The following RFTN1 variants were observed in gnomAD, a reference collection of about 807,000 sequenced individuals.
The protein encoded by RFTN1 is raftlin, lipid raft linker 1.
A neutral mutation model predicts 46.5 loss-of-function variants in RFTN1; 26 were observed. The ratio of observed to expected loss-of-function variants is 0.56; its 90% CI spans 0.41 to 0.78. The LOEUF is 0.78. Among genes scored for constraint, RFTN1 ranks in the 30% least tolerant of loss-of-function variants. The pLI is 0.00. For missense variants in RFTN1, 693 were observed against 718.7 expected, an observed-to-expected ratio of 0.96 and a Z score of 0.41; for synonymous variants, 261 against 284.2, an observed-to-expected ratio of 0.92 and a Z score of 0.82.
rs1399311269 is a variant in RFTN1, at chr3:16,427,392, A to G, written c.332+6459T>C. Among the ~76,000 whole-genome samples, 1 of 152,224 alleles carries G rather than the reference A, an allele frequency of 6.6e-6. No individual in the cohort carries two copies. Among genetic ancestry groups the G allele is most frequent in the Admixed American group, 6.5e-5 (1 of 15,284 alleles). ...GATTCTGGGTCTCAAGAGGAGAAAC[A>G]AAGGGTAAGGGATGAGCATTCTCTG... On this transcript the variant is annotated intron_variant, in intron 3 of 9. Coordinates refer to ENST00000334133, the MANE Select transcript of RFTN1 (RefSeq NM_015150.2). The surrounding 1 kb of genome is among the most constrained non-coding windows in gnomAD (Gnocchi z 5.4).
intron 2 of RFTN1, among the ~76,000 whole-genome samples, chr3:16,492,634 G>A (rs1559374174): frequency 6.6e-6 from 1 of 152,186 alleles, no homozygotes; most frequent in Non-Finnish European, 1.5e-5. Flanking sequence ...GTGTTCAGAT[G>A]ACTTCATTAC....
intron 5 of RFTN1, among the ~76,000 whole-genome samples, chr3:16,375,125 T>G (rs755397601): frequency 6.6e-6 from 1 of 151,472 alleles, no homozygotes; most frequent in Non-Finnish European, 1.5e-5. Context: ...AGAAGAGGAG[T>G]AAAAAACACT....
rs373085707 is a variant in RFTN1 at position 16,447,352 on chromosome 3, C to T, written c.146-13315G>A. Among the ~76,000 whole-genome samples, 6 of 152,290 alleles carry T rather than the reference C, an allele frequency of 3.9e-5. No homozygotes were observed. The highest frequency in any genetic ancestry group is 8.8e-5 in the Non-Finnish European group (6 of 68,022). On this transcript the variant is annotated intron_variant, in intron 2 of 9. Transcript: ENST00000334133. The surrounding 1 kb of genome is among the most constrained non-coding windows in gnomAD (Gnocchi z 5.9). ...TTTTCAGCTTTGCATGAAGGATTAC[C>T]GCCTTCTTGCATAAACTCCCAAATT...
intron 8 of RFTN1, among the ~76,000 whole-genome samples, chr3:16,323,893 C>G (rs1460110221): frequency 6.6e-6 from 1 of 152,202 alleles, no homozygotes; most frequent in Non-Finnish European, 1.5e-5. Flanking sequence ...ATGGCTGCAT[C>G]CAGGGTCTCA....
intron 2 of RFTN1, among the ~76,000 whole-genome samples, chr3:16,456,376 T>A (rs564346723): frequency 6.6e-6 from 1 of 152,190 alleles, no homozygotes; most frequent in Non-Finnish European, 1.5e-5. Context: ...AATAAGGTAC[T>A]CCAGCCTCTG....
Position 16,425,458 on chromosome 3 carries a change from C to G in RFTN1, c.332+8393G>C, listed in dbSNP as rs2075270881. On this transcript the variant is annotated intron_variant, in intron 3 of 9. Transcript: ENST00000334133. This position sits in a 1 kb window ranked among gnomAD's most constrained non-coding sequence, Gnocchi z 4.3. ...GAAATCACTAGTGTGCTAATTCTCT[C>G]TCTCAGAAGAAACAAACAAACAAAA... is the stretch of plus-strand genomic sequence containing the variant. Among the ~76,000 whole-genome samples, 1 of 151,642 alleles carries G rather than the reference C, an allele frequency of 6.6e-6. No individual in the cohort carries two copies. The highest frequency in any genetic ancestry group is 2.4e-5 in the African/African-American group (1 of 40,942).
intron 2 of RFTN1, among the ~76,000 whole-genome samples, chr3:16,472,924 G>A (rs1262448493): frequency 6.6e-6 from 1 of 152,180 alleles, no homozygotes; most frequent in African/African-American, 2.4e-5. Context: ...CAGGTTGACT[G>A]GCCCTGGGAG....
intron 9 of RFTN1, among the ~76,000 whole-genome samples, chr3:16,318,241 G>A (rs575445467): frequency 5.4e-5 from 8 of 149,456 alleles, no homozygotes; most frequent in South Asian, 2.2e-4. Flanking sequence ...CAGAGTGCAC[G>A]TGGGGTTTTA....
chr3:16,433,719 C>T lies in RFTN1; in HGVS notation c.332+132G>A. 1.1e-6 allele frequency: 1 copy of T among 884,624 alleles called. No homozygotes were observed. Among genetic ancestry groups the T allele is most frequent in the Admixed American group, 2.0e-5 (1 of 49,552 alleles). The allele number at this position is 884,624 out of a possible 1,614,324, so 54.8% of individuals were successfully genotyped here. On this transcript the variant is annotated intron_variant, in intron 3 of 9. Transcript: ENST00000334133. This position sits in a 1 kb window ranked among gnomAD's most constrained non-coding sequence, Gnocchi z 4.4. Reference sequence around the variant, plus strand: ...CTGGTTGTCTAACTGTTTGCCTCACCTGTCTGAGGGCTGAGGCCCTGAGGA... The same window carrying T: ...CTGGTTGTCTAACTGTTTGCCTCACTTGTCTGAGGGCTGAGGCCCTGAGGA...
chr3:16,365,644 G>A (rs867922382), intron 6 of RFTN1, among the ~76,000 whole-genome samples: 3 of 151,198 alleles, frequency 2.0e-5, no homozygotes, highest in African/African-American at 7.3e-5. Context: ...GCAGCAGAGA[G>A]ACATCTGGGT....
chr3:16,404,093 T>C lies in RFTN1; in HGVS notation c.441+5282A>G, dbSNP rs372628850. Reference sequence around the variant, plus strand: ...TATATTATATATATATTTTATATATTATATATTATATATAATATATAATAT... The same window carrying C: ...TATATTATATATATATTTTATATATCATATATTATATATAATATATAATAT... On this transcript the variant is annotated intron_variant, in intron 4 of 9. Coordinates refer to ENST00000334133, the MANE Select transcript of RFTN1 (RefSeq NM_015150.2). Among the ~76,000 whole-genome samples, 6 of 7,040 alleles carry C rather than the reference T, an allele frequency of 8.5e-4. 2 individuals are homozygous for C. In the Admixed American group the frequency reaches 0.016, roughly 19 times the overall value. The allele number at this position is 7,040 out of a possible 152,430, so 4.6% of individuals were successfully genotyped here.
At chr3:16,332,992 G>A (rs1215098660) in intron 7 of RFTN1, among the ~76,000 whole-genome samples, 2 of 152,136 alleles carry the variant, frequency 1.3e-5, no homozygotes, top group East Asian at 3.8e-4. Flanking sequence ...CAACAGTTTT[G>A]CAAACTGATC....
rs1559344423 is a variant in RFTN1, at chr3:16,433,188, A to ATTTT, written c.332+662_332+663insAAAA. ...CATCCTCACTGTTTTTTTTTTTTAA[A>ATTTT]AAAATTAATATTGTTCCTTTTGAAA... On this transcript the variant is annotated intron_variant, in intron 3 of 9. Coordinates refer to ENST00000334133, the MANE Select transcript of RFTN1 (RefSeq NM_015150.2). The surrounding 1 kb of genome is among the most constrained non-coding windows in gnomAD (Gnocchi z 4.4). Among the ~76,000 whole-genome samples, 123 of 146,230 alleles carry ATTTT rather than the reference A, an allele frequency of 8.4e-4. No individual in the cohort carries two copies. The highest frequency in any genetic ancestry group is 3.2e-3 in the African/African-American group (118 of 36,436).
chr3:16,417,659 C>T (rs1268870276), intron 3 of RFTN1, among the ~76,000 whole-genome samples: 1 of 152,192 alleles, frequency 6.6e-6, no homozygotes, highest in African/African-American at 2.4e-5. Flanking sequence ...TAGTCATTCT[C>T]CAGGCAGGGG....
rs780756328 is a variant in RFTN1 at position 16,408,761 on chromosome 3, A to C, written c.441+614T>G. ...ACAATCACCTGTATGGGGTGGGGGA[A>C]TTGTCGATTACTAGGGAACACTGGG... On this transcript the variant is annotated intron_variant, in intron 4 of 9. Coordinates refer to ENST00000334133, the MANE Select transcript of RFTN1 (RefSeq NM_015150.2). Among the ~76,000 whole-genome samples the C allele has an allele frequency of 1.5e-4, 22 of 147,424 alleles. 1 individual carries two copies. The highest frequency in any genetic ancestry group is 2.1e-4 in the Non-Finnish European group (14 of 66,294).
chr3:16,469,742 A>G (rs1186769226), intron 2 of RFTN1, among the ~76,000 whole-genome samples: 1 of 152,230 alleles, frequency 6.6e-6, no homozygotes. Flanking sequence ...CACCTTGAAC[A>G]TGAAGCTACT....
chr3:16,512,425 TAAAA>T lies in RFTN1; in HGVS notation c.-9+1013_-9+1016del, dbSNP rs149554467. ...CAGAGATTGAGCCAGACTTTTTTTT[TAAAA>T]AAGTACTTCTTGTTTGTTTGTTTTA... is the stretch of plus-strand genomic sequence containing the variant. On this transcript the variant is annotated intron_variant, in intron 1 of 9. Coordinates refer to ENST00000334133, the MANE Select transcript of RFTN1 (RefSeq NM_015150.2). The surrounding 1 kb of genome is among the most constrained non-coding windows in gnomAD (Gnocchi z 4.3). Among the ~76,000 whole-genome samples the T allele has an allele frequency of 2.7e-5, 4 of 150,802 alleles. No individual in the cohort carries two copies. The highest frequency in any genetic ancestry group is 2.1e-4 in the South Asian group (1 of 4,782).
Position 16,424,426 on chromosome 3 carries a change from G to A in RFTN1, c.332+9425C>T, listed in dbSNP as rs1005642860. ...CTGCTGAAAGCACAGTAATGTTTTC[G>A]ACAAATATTAACAACAGAAACAACC... On this transcript the variant is annotated intron_variant, in intron 3 of 9. Transcript: ENST00000334133. The surrounding 1 kb of genome is among the most constrained non-coding windows in gnomAD (Gnocchi z 4.7). Among the ~76,000 whole-genome samples, 3 of 152,126 alleles carry A rather than the reference G, an allele frequency of 2.0e-5. No individual in the cohort carries two copies. Among genetic ancestry groups the A allele is most frequent in the Non-Finnish European group, 4.4e-5 (3 of 68,012 alleles).
intron 1 of RFTN1, among the ~76,000 whole-genome samples, chr3:16,496,228 C>A (rs868797604): frequency 6.6e-6 from 1 of 152,234 alleles, no homozygotes; most frequent in African/African-American, 2.4e-5. Flanking sequence ...ACCATGGCAG[C>A]TTTCAAGCTG....
Sources: allele counts gnomAD v4.1 joint callset (sites outside exome capture counted in the v4.1 genomes callset), GRCh38; gene constraint gnomAD v4.1.1; non-coding constraint Gnocchi (gnomAD v3.1); transcripts MANE v1.5; gene names NCBI Gene and HGNC (gene_info 2026-07-23, HGNC 2026-07-21).